Variants in PPP6R2 observed in about 807,000 individuals in gnomAD.
PPP6R2 encodes the protein protein phosphatase 6 regulatory subunit 2.
A neutral mutation model predicts 100.2 loss-of-function variants in PPP6R2; 62 were observed. The observed-to-expected ratio is 0.62, with a 90% CI of 0.50 to 0.76. The LOEUF (loss-of-function observed/expected upper bound fraction) is 0.76, where lower values mean the gene tolerates loss of function less well. Ranked by LOEUF, PPP6R2 falls within the 30% of genes least tolerant of loss-of-function variation. The pLI, the probability that PPP6R2 is intolerant of heterozygous loss-of-function variation, is 0.00. For synonymous variants in PPP6R2, 525 were observed against 514.7 expected, an observed-to-expected ratio of 1.02 and a Z score of -0.27; for missense variants, 1,142 against 1,276.3, an observed-to-expected ratio of 0.89 and a Z score of 1.60.
At chr22:50,370,433 G>A (rs373328159) in intron 1 of PPP6R2, among the ~76,000 whole-genome samples, 21 of 151,584 alleles carry the variant, frequency 1.4e-4, no homozygotes, top group African/African-American at 3.1e-4. Flanking sequence ...GATTACAGGC[G>A]CCTGCCACCA....
chr22:50,395,483 A>G (rs968038245), intron 3 of PPP6R2, among the ~76,000 whole-genome samples: 4 of 152,200 alleles, frequency 2.6e-5, no homozygotes, highest in African/African-American at 9.6e-5. Context: ...TGGGAGATAC[A>G]TACAGGTTAG....
chr22:50,425,702 G>C (rs1301051806), intron 10 of PPP6R2, among the ~76,000 whole-genome samples: 1 of 151,666 alleles, frequency 6.6e-6, no homozygotes, highest in African/African-American at 2.4e-5. Flanking sequence ...CATCTGATGT[G>C]CGTGTGGAAC....
chr22:50,371,219 A>G (rs922609239), intron 1 of PPP6R2, among the ~76,000 whole-genome samples: 2 of 152,212 alleles, frequency 1.3e-5, no homozygotes, highest in African/African-American at 2.4e-5. Context: ...AGCCAGGCAC[A>G]GTGGTTTGTG....
At chr22:50,356,021 G>A (rs1374156472) in intron 1 of PPP6R2, among the ~76,000 whole-genome samples, 1 of 148,144 alleles carries the variant, frequency 6.8e-6, no homozygotes, top group Non-Finnish European at 1.5e-5. Context: ...GGAGTGCAGT[G>A]GCGCGATCTC....
At chr22:50,369,996 G>C (rs1296455573) in intron 1 of PPP6R2, among the ~76,000 whole-genome samples, 1 of 146,230 alleles carries the variant, frequency 6.8e-6, no homozygotes, top group African/African-American at 2.6e-5. Context: ...TGATCCTCCT[G>C]CCTTGGCTTC....
At chr22:50,355,225 C>CCTT (rs200769909) in intron 1 of PPP6R2, among the ~76,000 whole-genome samples, 16,104 of 142,112 alleles carry the variant, frequency 0.11, 2,932 homozygotes, top group African/African-American at 0.38. Context: ...CAGCAAGCAG[C>CCTT]CTTCTTTTTT....
At chr22:50,384,572 G>GAA (rs1044604305) in intron 2 of PPP6R2, among the ~76,000 whole-genome samples, 13 of 152,162 alleles carry the variant, frequency 8.5e-5, no homozygotes, top group East Asian at 3.9e-4. Flanking sequence ...GAAAAGAAAA[G>GAA]AAATTTATTT....
In PPP6R2 at chr22:50,377,733, G is replaced by C. The variant is rs888938959; in HGVS notation, c.-17+5583G>C. Among the ~76,000 whole-genome samples, 3 of 152,310 alleles carry C rather than the reference G, an allele frequency of 2.0e-5. 1 individual carries two copies. The highest frequency in any genetic ancestry group is 2.0e-4 in the Admixed American group (3 of 15,278). Reference sequence around the variant, plus strand: ...AAAGAAGTCTACAGATTTAGGCCAGGCGCGGTGGCTGACGCCTGTAATCCC... The same window carrying C: ...AAAGAAGTCTACAGATTTAGGCCAGCCGCGGTGGCTGACGCCTGTAATCCC... On this transcript the variant is annotated intron_variant, in intron 2 of 23. Transcript: ENST00000612753.
In PPP6R2 at chr22:50,422,286, G is replaced by A; in HGVS notation, c.878G>A (p.Gly293Glu). 1 of 1,614,042 alleles carries A rather than the reference G, an allele frequency of 6.2e-7. No homozygotes were observed. The highest frequency in any genetic ancestry group is 8.5e-7 in the Non-Finnish European group (1 of 1,179,964). The change falls in exon 9 of 24, where the codon GGA becomes GAA. Residue 293 changes from glycine to glutamate, a missense_variant. Transcript: ENST00000612753. Reference sequence around the variant, plus strand: ...GGCTTGGTGGACTCCTTTTCTCAGGGACTGGAAAGGTCATACGCTGTCAGC... The same window carrying A: ...GGCTTGGTGGACTCCTTTTCTCAGGAACTGGAAAGGTCATACGCTGTCAGC... ...TEGLVDSFSQ[G>E]LERSYAVSSS...
Position 50,438,729 on chromosome 22 carries a change from A to G in PPP6R2, c.2095A>G (p.Lys699Glu). The change falls in exon 19 of 24, where the codon AAG becomes GAG. Residue 699 changes from lysine to glutamate, a missense_variant. Coordinates refer to ENST00000612753, the MANE Select transcript of PPP6R2 (RefSeq NM_001242898.2). Reference protein sequence around the residue: ...GAGAPPAPGKKEAPPVEGDSE... With the variant: ...GAGAPPAPGKEEAPPVEGDSE... ...AGGTGCCCCACCGGCCCCCGGGAAG[A>G]AGGAAGCGCCCCCTGTGGAGGGTGA... The G allele has an allele frequency of 6.2e-7, 1 of 1,609,586 alleles. No homozygotes were observed. Among genetic ancestry groups the G allele is most frequent in the Non-Finnish European group, 8.5e-7 (1 of 1,178,072 alleles).
At chr22:50,411,309 C>G (rs977352963) in intron 4 of PPP6R2, among the ~76,000 whole-genome samples, 1 of 151,992 alleles carries the variant, frequency 6.6e-6, no homozygotes, top group African/African-American at 2.4e-5. Context: ...TAAAAATTAG[C>G]TGGGTGTGGT....
At chr22:50,418,473 T>C (rs535712833) in intron 6 of PPP6R2, among the ~76,000 whole-genome samples, 95 of 151,974 alleles carry the variant, frequency 6.3e-4, no homozygotes, top group African/African-American at 2.2e-3. Context: ...GCAAGCTCCT[T>C]CTCCCAGGTT....
At chr22:50,339,403 T>G, upstream of PPP6R2, among the ~76,000 whole-genome samples, 1 of 144,638 alleles carries the variant, frequency 6.9e-6, no homozygotes, top group East Asian at 2.1e-4. Flanking sequence ...GTGTGGTATG[T>G]GGTGTGTGTG....
At position 50,370,435 on chromosome 22, in the gene PPP6R2, C is replaced by A. The variant is rs188024331; in HGVS notation, c.-147-1585C>A. On this transcript the variant is annotated intron_variant, in intron 1 of 23. Transcript: ENST00000612753. ...CCCGAGGAGATGGGATTACAGGCGC[C>A]TGCCACCACGCCCAGCTAATTTTTT... Among the ~76,000 whole-genome samples, 68 of 151,494 alleles carry A rather than the reference C, an allele frequency of 4.5e-4. No individual in the cohort carries two copies. The East Asian group carries it at 4.5e-3, about 10-fold the overall frequency.
At chr22:50,384,863 C>T (rs371087385) in intron 2 of PPP6R2, among the ~76,000 whole-genome samples, 1 of 152,192 alleles carries the variant, frequency 6.6e-6, no homozygotes, top group Non-Finnish European at 1.5e-5. Flanking sequence ...ACCTCAGCCT[C>T]CTGAGTAGCA....
At chr22:50,430,458 A>G (rs2062921284) in intron 10 of PPP6R2, among the ~76,000 whole-genome samples, 1 of 152,282 alleles carries the variant, frequency 6.6e-6, no homozygotes, top group Non-Finnish European at 1.5e-5. Flanking sequence ...CTGAAGAATC[A>G]TAAAAATACT....
Position 50,394,235 on chromosome 22 carries a change from G to T in PPP6R2, c.227+100G>T, listed in dbSNP as rs889217775. On this transcript the variant is annotated intron_variant, in intron 3 of 23. Coordinates refer to ENST00000612753, the MANE Select transcript of PPP6R2 (RefSeq NM_001242898.2). ...GCCATAGTTGGGGATTTCTGATGAAGAAGCGAGCCGTAAAAATCCACCCCA... is the reference window on the plus strand; with the variant it reads ...GCCATAGTTGGGGATTTCTGATGAATAAGCGAGCCGTAAAAATCCACCCCA... The T allele has an allele frequency of 6.1e-6, 9 of 1,483,802 alleles. 1 individual carries two copies. The African/African-American group carries it at 1.3e-4, about 21-fold the overall frequency. 91.9% of individuals were successfully genotyped at this position (1,483,802 alleles called of 1,614,324 possible). A position where few individuals can be genotyped will look rare whatever the true frequency, so the allele number is the denominator to read the frequency against.
At chr22:50,430,247 G>C (rs2062886011) in intron 10 of PPP6R2, among the ~76,000 whole-genome samples, 1 of 152,230 alleles carries the variant, frequency 6.6e-6, no homozygotes, top group African/African-American at 2.4e-5. Flanking sequence ...ACCACCTCTG[G>C]GCTTCAGCCC....
intron 2 of PPP6R2, among the ~76,000 whole-genome samples, chr22:50,392,186 A>G (rs2055732027): frequency 6.6e-6 from 1 of 152,084 alleles, no homozygotes; most frequent in South Asian, 2.1e-4. Flanking sequence ...AGAATAAGGA[A>G]GATCTTAAGA....
Sources: allele counts gnomAD v4.1 joint callset (sites outside exome capture counted in the v4.1 genomes callset), GRCh38; gene constraint gnomAD v4.1.1; transcripts MANE v1.5; gene names NCBI Gene and HGNC (gene_info 2026-07-23, HGNC 2026-07-21).